Variants in TRMT44 observed in about 807,000 individuals in gnomAD.
The protein encoded by TRMT44 is probable tRNA (uracil-O(2)-)-methyltransferase.
In TRMT44, 78 loss-of-function variants were observed where a neutral mutation model predicts 77.3. The ratio of observed to expected loss-of-function variants is 1.01; its 90% CI spans 0.84 to 1.22. TRMT44 has a LOEUF of 1.22. Among genes scored for constraint, TRMT44 ranks in the 50% most tolerant of loss-of-function variants. The pLI, the probability that TRMT44 is intolerant of heterozygous loss-of-function variation, is 0.00. For missense variants in TRMT44, 1,090 were observed against 964.4 expected, an observed-to-expected ratio of 1.13 and a Z score of -1.73; for synonymous variants, 391 against 383.3, an observed-to-expected ratio of 1.02 and a Z score of -0.23.
chr4:8,481,054 C>G (rs866285296), downstream of TRMT44, among the ~76,000 whole-genome samples: 3 of 152,196 alleles, frequency 2.0e-5, no homozygotes, highest in South Asian at 2.1e-4. Flanking sequence ...TTTGAAAGAT[C>G]TGAATAGGAA....
chr4:8,470,254 T>C (rs773967636), intron 9 of TRMT44, among the ~76,000 whole-genome samples: 6 of 152,250 alleles, frequency 3.9e-5, no homozygotes, highest in East Asian at 1.9e-4. Context: ...TCGCAGCAGC[T>C]GCGACAGCGG....
intron 2 of TRMT44, among the ~76,000 whole-genome samples, chr4:8,489,634 G>A (rs1159089013): frequency 5.9e-5 from 9 of 152,128 alleles, no homozygotes; most frequent in East Asian, 1.9e-4. Flanking sequence ...TAGCCACCAC[G>A]CCTGGCTAAT....
chr4:8,477,340 T>C (rs1727440178), downstream of TRMT44: 1 of 152,254 alleles, frequency 6.6e-6, no homozygotes, highest in South Asian at 2.1e-4. Flanking sequence ...AGAGCGCAGA[T>C]CCCAGGCTGA....
downstream of TRMT44, among the ~76,000 whole-genome samples, chr4:8,497,899 G>T (rs1728195704): frequency 6.6e-6 from 1 of 152,318 alleles, no homozygotes; most frequent in South Asian, 2.1e-4. Flanking sequence ...TGGTGTATGG[G>T]AGCTGTGCCA....
intron 10 of TRMT44, among the ~76,000 whole-genome samples, chr4:8,474,073 T>C (rs111737889): frequency 0.026 from 3,971 of 151,910 alleles, 96 homozygotes; most frequent in African/African-American, 0.065. Context: ...TGTCACGTTG[T>C]GGTGGGGAAG....
chr4:8,486,844 G>A (rs1053925561), intron 2 of TRMT44, among the ~76,000 whole-genome samples: 1 of 152,162 alleles, frequency 6.6e-6, no homozygotes, highest in Non-Finnish European at 1.5e-5. Flanking sequence ...AAGGATTATA[G>A]GGTGGAGGAG....
chr4:8,495,694 ACCCTGTC>A (rs113638310), downstream of TRMT44, among the ~76,000 whole-genome samples: 1,289 of 152,304 alleles, frequency 8.5e-3, 6 homozygotes, highest in South Asian at 0.034. Flanking sequence ...CTCAGCGCAC[ACCCTGTC>A]CTTGTCTTGC....
rs1725539806 is a variant in TRMT44, at chr4:8,452,818, T to C, written c.1024-64T>C. 1.1e-6 allele frequency: 1 copy of C among 886,802 alleles called. No individual in the cohort carries two copies. The allele number at this position is 886,802 out of a possible 1,614,324, so 54.9% of individuals were successfully genotyped here. ...CAGAGTTTTCTTTGACCAGTTTGTG[T>C]CTAAATTATTCTTGCGTAGAGTGAA... On this transcript the variant is annotated intron_variant, in intron 4 of 10. Coordinates refer to ENST00000389737, the MANE Select transcript of TRMT44 (RefSeq NM_152544.3). This position sits in a 1 kb window ranked among gnomAD's most constrained non-coding sequence, Gnocchi z 5.7.
chr4:8,446,745 G>T lies in TRMT44; in HGVS notation c.734+155G>T, dbSNP rs1579036171. Among the ~76,000 whole-genome samples, 1 of 152,106 alleles carries T rather than the reference G, an allele frequency of 6.6e-6. No homozygotes were observed. The highest frequency in any genetic ancestry group is 1.9e-4 in the East Asian group (1 of 5,192). On this transcript the variant is annotated intron_variant, in intron 2 of 10. Coordinates refer to ENST00000389737, the MANE Select transcript of TRMT44 (RefSeq NM_152544.3). The surrounding 1 kb of genome is among the most constrained non-coding windows in gnomAD (Gnocchi z 4.3). Reference sequence around the variant, plus strand: ...TTGCTAGCTTATGTGCCCAGGCCATGTTGCTCTTCCTGTTGGTGCCTGGCC... The same window carrying T: ...TTGCTAGCTTATGTGCCCAGGCCATTTTGCTCTTCCTGTTGGTGCCTGGCC...
chr4:8,448,469 T>C (rs1560220673), intron 2 of TRMT44, among the ~76,000 whole-genome samples: 1 of 152,020 alleles, frequency 6.6e-6, no homozygotes, highest in Non-Finnish European at 1.5e-5. Flanking sequence ...AGAAGGGACA[T>C]GGAAGAGAGG....
intron 10 of TRMT44, among the ~76,000 whole-genome samples, chr4:8,474,391 A>G (rs2631735): frequency 0.73 from 110,741 of 152,108 alleles, 40,886 homozygotes; most frequent in South Asian, 0.84. Flanking sequence ...CCTCAGCTCC[A>G]ATGTTGGGAG....
chr4:8,455,666 C>G (rs1725758293), intron 6 of TRMT44, among the ~76,000 whole-genome samples: 3 of 152,222 alleles, frequency 2.0e-5, no homozygotes, highest in Non-Finnish European at 1.5e-5. Flanking sequence ...ACCCTGGCTG[C>G]TTCTGCTCAT....
chr4:8,482,568 G>A (rs970070208), intron 2 of TRMT44: 2 of 152,316 alleles, frequency 1.3e-5, no homozygotes, highest in African/African-American at 4.8e-5. Flanking sequence ...TACAAAGGGG[G>A]TTTGTTCTCT....
At chr4:8,516,693 GTC>G in the TRMT44 span, among the ~76,000 whole-genome samples, 1 of 152,164 alleles carries the variant, frequency 6.6e-6, no homozygotes, top group South Asian at 2.1e-4. Flanking sequence ...AGGCAGAAGA[GTC>G]TGAGTCCAAG....
chr4:8,484,818 G>C (rs1306995480), intron 2 of TRMT44, among the ~76,000 whole-genome samples: 1 of 152,202 alleles, frequency 6.6e-6, no homozygotes, highest in Non-Finnish European at 1.5e-5. Flanking sequence ...ACCATGCCCA[G>C]GAAGGAAGGG....
rs79906693 is a variant in TRMT44, at chr4:8,444,148, G to A, written c.620-2328G>A. ...CTCATCTAGAACAGAGGTTTCAGTC[G>A]GGGCAGTTTTGATCCTCAGAAGTTT... On this transcript the variant is annotated intron_variant, in intron 1 of 10. Transcript: ENST00000389737. This position sits in a 1 kb window ranked among gnomAD's most constrained non-coding sequence, Gnocchi z 4.0. 5.0e-3 allele frequency among the ~76,000 whole-genome samples: 757 copies of A among 152,144 alleles called. 7 individuals are homozygous for A. Among genetic ancestry groups the A allele is most frequent in the South Asian group, 0.034 (166 of 4,822 alleles).
chr4:8,498,067 C>T (rs1234472770), downstream of TRMT44, among the ~76,000 whole-genome samples: 1 of 152,210 alleles, frequency 6.6e-6, no homozygotes, highest in Non-Finnish European at 1.5e-5. This position sits in a 1 kb window ranked among gnomAD's most constrained non-coding sequence, Gnocchi z 4.3. Context: ...AATCAGGACT[C>T]AGTGGAAGAC....
chr4:8,492,863 A>T (rs777550098), intron 2 of TRMT44, among the ~76,000 whole-genome samples: 1 of 152,166 alleles, frequency 6.6e-6, no homozygotes, highest in Non-Finnish European at 1.5e-5. Flanking sequence ...GATGGAACCA[A>T]TGTATACCTT....
downstream of TRMT44, chr4:8,477,691 G>C (rs2631737): frequency 0.35 from 52,967 of 152,608 alleles, 10,023 homozygotes; most frequent in South Asian, 0.46. Context: ...TTCCTGCCAG[G>C]CTGCACCAGG....
Sources: gnomAD v4.1 joint callset for allele counts (sites outside exome capture counted in the v4.1 genomes callset) on GRCh38, gnomAD v4.1.1 for gene constraint, Gnocchi (gnomAD v3.1) non-coding constraint, MANE v1.5 for transcripts, NCBI Gene and HGNC (gene_info 2026-07-23, HGNC 2026-07-21) for gene names.